Variants in KIAA1958 observed in about 807,000 individuals in gnomAD.
The protein encoded by KIAA1958 is uncharacterized protein KIAA1958.
KIAA1958 carries 14 observed loss-of-function variants against 47.2 expected under a neutral mutation model. That is an observed-to-expected ratio of 0.30 (90% confidence interval 0.20 to 0.46). KIAA1958 has a LOEUF of 0.46. Among genes scored for constraint, KIAA1958 ranks in the 20% least tolerant of loss-of-function variants. The pLI is 1.00. For missense variants in KIAA1958, 803 were observed against 909.2 expected (o/e 0.88, Z 1.50); for synonymous variants, 354 against 353.3 (o/e 1.00, Z -0.02).
At chr9:112,534,635 C>T (rs1337086712) in intron 1 of KIAA1958, among the ~76,000 whole-genome samples, 2 of 151,874 alleles carry the variant, frequency 1.3e-5, no homozygotes, top group African/African-American at 4.8e-5. Flanking sequence ...CCTCCGCCTC[C>T]CGGGTTCAAG....
At position 112,666,240 on chromosome 9, in the gene KIAA1958, A is replaced by G. The variant is rs1025374557; in HGVS notation, c.*6171A>G. On this transcript the variant is annotated 3_prime_UTR_variant, in exon 4 of 4. Coordinates refer to ENST00000337530, the MANE Select transcript of KIAA1958 (RefSeq NM_133465.4). ...CTGCCTCGGCCTCCCAAAGTGGAAA[A>G]ATATACTTATTTACTCGTTTTCTGT... is the stretch of plus-strand genomic sequence containing the variant. The G allele has an allele frequency of 2.0e-5, 3 of 152,016 alleles. No homozygotes were observed. The highest frequency in any genetic ancestry group is 7.2e-5 in the African/African-American group (3 of 41,388). The allele number at this position is 152,016 out of a possible 1,614,324, so 9.4% of individuals were successfully genotyped here.
At chr9:112,623,937 T>TA (rs1836556227) in intron 2 of KIAA1958, among the ~76,000 whole-genome samples, 1 of 152,228 alleles carries the variant, frequency 6.6e-6, no homozygotes, top group African/African-American at 2.4e-5. Flanking sequence ...GACAGACACT[T>TA]CTGATCTTAA....
At chr9:112,588,050 A>G (rs1835859386) in intron 2 of KIAA1958, among the ~76,000 whole-genome samples, 1 of 152,216 alleles carries the variant, frequency 6.6e-6, no homozygotes, top group Non-Finnish European at 1.5e-5. Flanking sequence ...GGATGAGGAT[A>G]TTAGGGATAT....
intron 2 of KIAA1958, among the ~76,000 whole-genome samples, chr9:112,644,737 T>G (rs1467993088): frequency 6.6e-6 from 1 of 152,160 alleles, no homozygotes; most frequent in Non-Finnish European, 1.5e-5. Flanking sequence ...ACAATTTTTC[T>G]CTCACTTGAC....
intron 1 of KIAA1958, among the ~76,000 whole-genome samples, chr9:112,494,071 CATATTCT>C (rs1203023166): frequency 6.6e-6 from 1 of 152,212 alleles, no homozygotes; most frequent in East Asian, 1.9e-4. Flanking sequence ...TTTGCTGAGT[CATATTCT>C]ATTCTGGTAA....
At chr9:112,656,210 T>C (rs889600237) in intron 3 of KIAA1958, among the ~76,000 whole-genome samples, 1 of 151,694 alleles carries the variant, frequency 6.6e-6, no homozygotes, top group Non-Finnish European at 1.5e-5. Context: ...CCGTTTCTAC[T>C]AAAAAATACA....
chr9:112,620,301 T>C (rs1294017876), intron 2 of KIAA1958, among the ~76,000 whole-genome samples: 1 of 152,212 alleles, frequency 6.6e-6, no homozygotes, highest in African/African-American at 2.4e-5. Context: ...ATCTTGATTG[T>C]TTTGTTGGAC....
chr9:112,564,685 A>G (rs1588019861), intron 1 of KIAA1958, among the ~76,000 whole-genome samples: 1 of 152,248 alleles, frequency 6.6e-6, no homozygotes, highest in East Asian at 1.9e-4. Context: ...TAAACATAAA[A>G]TTTATAGTTC....
chr9:112,546,989 TG>T (rs1308085787), intron 1 of KIAA1958, among the ~76,000 whole-genome samples: 3 of 141,624 alleles, frequency 2.1e-5, no homozygotes, highest in African/African-American at 7.9e-5. Context: ...CTGCCCAAGC[TG>T]GGGTGTGGTG....
chr9:112,487,946 C>CGTGTGT (rs57108785), intron 1 of KIAA1958, among the ~76,000 whole-genome samples: 8,021 of 145,758 alleles, frequency 0.055, 310 homozygotes, highest in Admixed American at 0.095. Flanking sequence ...AGTGTGTGTG[C>CGTGTGT]GTGTGTGTGT....
rs1837310656 is a variant in KIAA1958 at position 112,663,397 on chromosome 9, T to A, written c.*3328T>A. On this transcript the variant is annotated 3_prime_UTR_variant, in exon 4 of 4. Transcript: ENST00000337530. ...AGCATGCAATAAATGTTAGCCAGCT[T>A]AGTTATAACTTTTGGTAATAATTAA... The A allele has an allele frequency of 6.6e-6, 1 of 152,240 alleles. No individual in the cohort carries two copies. The highest frequency in any genetic ancestry group is 1.5e-5 in the Non-Finnish European group (1 of 68,042). The allele number at this position is 152,240 out of a possible 1,614,324, so 9.4% of individuals were successfully genotyped here. A position where few individuals can be genotyped will look rare whatever the true frequency, so the allele number is the denominator to read the frequency against.
intron 1 of KIAA1958, among the ~76,000 whole-genome samples, chr9:112,509,051 A>G (rs575421969): frequency 6.6e-6 from 1 of 151,768 alleles, no homozygotes; most frequent in South Asian, 2.1e-4. Flanking sequence ...CATATGGTAA[A>G]AAATTTTAAA....
At chr9:112,524,044 A>AT (rs1834599803) in intron 1 of KIAA1958, among the ~76,000 whole-genome samples, 1 of 152,150 alleles carries the variant, frequency 6.6e-6, no homozygotes, top group Non-Finnish European at 1.5e-5. Context: ...GATTTCAACT[A>AT]TTTTTTTAAA....
chr9:112,529,814 G>A (rs1444458409), intron 1 of KIAA1958, among the ~76,000 whole-genome samples: 1 of 148,606 alleles, frequency 6.7e-6, no homozygotes, highest in East Asian at 2.0e-4. Context: ...AGCTCACACT[G>A]AAGGGACCAG....
chr9:112,592,895 G>A (rs948571432), intron 2 of KIAA1958, among the ~76,000 whole-genome samples: 8 of 152,094 alleles, frequency 5.3e-5, no homozygotes, highest in African/African-American at 1.9e-4. Flanking sequence ...TACTGAATGG[G>A]CTTGTGTCAA....
chr9:112,649,917 A>G (rs1837031267), intron 3 of KIAA1958, among the ~76,000 whole-genome samples: 1 of 152,182 alleles, frequency 6.6e-6, no homozygotes. Context: ...AGGAATGAAG[A>G]TTACTGGAAA....
intron 2 of KIAA1958, among the ~76,000 whole-genome samples, chr9:112,620,608 T>G (rs1383427558): frequency 6.6e-6 from 1 of 152,144 alleles, no homozygotes; most frequent in East Asian, 1.9e-4. Context: ...TGTTCATGAC[T>G]TTTCCTCCAT....
At chr9:112,505,156 T>C (rs1834212138) in intron 1 of KIAA1958, among the ~76,000 whole-genome samples, 1 of 152,200 alleles carries the variant, frequency 6.6e-6, no homozygotes, top group South Asian at 2.1e-4. Flanking sequence ...TTTTTGTGCC[T>C]GGCTTTATTT....
chr9:112,645,889 C>CTAA, intron 3 of KIAA1958, 67 bp downstream of exon 3: 1 of 1,437,454 alleles, frequency 7.0e-7, no homozygotes, highest in Non-Finnish European at 9.6e-7. Context: ...AGGCACTGTG[C>CTAA]TAAGCATTGT....
Sources: allele counts gnomAD v4.1 joint callset (sites outside exome capture counted in the v4.1 genomes callset), GRCh38; gene constraint gnomAD v4.1.1; transcripts MANE v1.5; gene names NCBI Gene and HGNC (gene_info 2026-07-23, HGNC 2026-07-21).